HS6ST2: variants seen among roughly 807,000 people sequenced by gnomAD.
The protein encoded by HS6ST2 is heparan-sulfate 6-O-sulfotransferase 2.
HS6ST2 carries 17 observed loss-of-function variants against 33.0 expected under a neutral mutation model. The observed-to-expected ratio is 0.52, with a 90% CI of 0.35 to 0.77. The LOEUF is 0.77. Ranked by LOEUF, HS6ST2 falls within the 30% of genes least tolerant of loss-of-function variation. HS6ST2 has a pLI of 0.01. For missense variants in HS6ST2, 519 were observed against 551.7 expected (o/e 0.94, Z 0.59); for synonymous variants, 248 against 237.1 (o/e 1.05, Z -0.42).
At chrX:132,890,283 T>C (rs1297743734) in intron 2 of HS6ST2, among the ~76,000 whole-genome samples, 1 of 109,401 alleles carries the variant, frequency 9.1e-6, no homozygotes, top group Admixed American at 9.8e-5. Flanking sequence ...TGTACCAAGG[T>C]CATACAACTA....
At chrX:132,767,391 A>T (rs1275087843) in intron 2 of HS6ST2, among the ~76,000 whole-genome samples, 1 of 111,265 alleles carries the variant, frequency 9.0e-6, no homozygotes, top group Non-Finnish European at 1.9e-5. Context: ...GTGATTTTTT[A>T]AATTTTTAGT....
At chrX:132,661,659 C>A (rs2063774444) in intron 4 of HS6ST2, among the ~76,000 whole-genome samples, 1 of 112,212 alleles carries the variant, frequency 8.9e-6, no homozygotes, top group Non-Finnish European at 1.9e-5. Context: ...AAAATCCCAG[C>A]AGGCTTCTTT....
chrX:132,931,090 T>C (rs1175039382), intron 2 of HS6ST2, among the ~76,000 whole-genome samples: 6 of 111,719 alleles, frequency 5.4e-5, no homozygotes, highest in Admixed American at 9.5e-5. Flanking sequence ...ATGTTCTTAA[T>C]GCATATAGCA....
intron 4 of HS6ST2, among the ~76,000 whole-genome samples, chrX:132,660,229 T>C (rs750197528): frequency 2.2e-4 from 25 of 111,960 alleles, no homozygotes; most frequent in Non-Finnish European, 2.6e-4. Flanking sequence ...TTGTACCTAC[T>C]ATGCACTCAG....
rs182033952 is a variant in HS6ST2 at position 132,892,836 on chromosome X, C to T, written c.947+63972G>A. Among the ~76,000 whole-genome samples the T allele has an allele frequency of 3.2e-3, 359 of 111,514 alleles. 2 individuals are homozygous for T. The highest frequency in any genetic ancestry group is 0.011 in the African/African-American group (338 of 30,749). On this transcript the variant is annotated intron_variant, in intron 2 of 4. Coordinates refer to ENST00000370833, the MANE Select transcript of HS6ST2 (RefSeq NM_001394073.1). ...TCCATCTTAAAAAGAAACCCAAACA[C>T]ACAAATAAATAAAATGGCAAAGTAT... is the stretch of plus-strand genomic sequence containing the variant.
chrX:132,918,651 C>T (rs1399891969), intron 2 of HS6ST2, among the ~76,000 whole-genome samples: 1 of 111,704 alleles, frequency 9.0e-6, no homozygotes, highest in Non-Finnish European at 1.9e-5. Context: ...GACATGATCT[C>T]TCTTCCTGGG....
intron 2 of HS6ST2, among the ~76,000 whole-genome samples, chrX:132,879,865 T>G (rs193082145): frequency 9.0e-6 from 1 of 111,623 alleles, no homozygotes; most frequent in Non-Finnish European, 1.9e-5. Context: ...ATGAAACACT[T>G]TTCCCATCAT....
intron 2 of HS6ST2, among the ~76,000 whole-genome samples, chrX:132,935,327 C>G (rs1383316212): frequency 2.7e-5 from 3 of 111,272 alleles, no homozygotes; most frequent in Non-Finnish European, 5.6e-5. Context: ...CAGACATTCT[C>G]CAGGATAGAG....
chrX:132,878,299 G>C (rs1472763687), intron 2 of HS6ST2, among the ~76,000 whole-genome samples: 1 of 112,245 alleles, frequency 8.9e-6, no homozygotes, highest in African/African-American at 3.2e-5. Context: ...CCTGCATAAG[G>C]TGTGAACTCC....
chrX:132,656,820 C>A (rs775000298), intron 4 of HS6ST2, among the ~76,000 whole-genome samples: 168 of 111,777 alleles, frequency 1.5e-3, no homozygotes, highest in Non-Finnish European at 2.5e-3. Flanking sequence ...ATCTATTTAC[C>A]ACTCCAGACT....
chrX:132,651,743 C>G (rs1378221865), intron 4 of HS6ST2, among the ~76,000 whole-genome samples: 1 of 111,689 alleles, frequency 9.0e-6, no homozygotes, highest in Non-Finnish European at 1.9e-5. Flanking sequence ...CACTTTCACC[C>G]TGATGGTTCC....
intron 2 of HS6ST2, among the ~76,000 whole-genome samples, chrX:132,736,525 G>A (rs1292197135): frequency 8.9e-6 from 1 of 111,910 alleles, no homozygotes; most frequent in East Asian, 2.8e-4. Flanking sequence ...ATGATATGGT[G>A]TAAGTTTCAG....
In HS6ST2 at chrX:132,958,406, G is replaced by A. The variant is rs776342600; in HGVS notation, c.197C>T (p.Pro66Leu). 1.7e-6 allele frequency: 2 copies of A among 1,195,868 alleles called. No individual in the cohort carries two copies. The highest frequency in any genetic ancestry group is 2.2e-5 in the Admixed American group (1 of 45,437). ...CGCCTTTCGGGGCTTGTCCAGGAGC[G>A]GCCGGGTGTGGAATCCGTGAGACAC... Reference protein sequence around the residue: ...RGVSHGFHTRPLLDKPRKASS... With the variant: ...RGVSHGFHTRLLLDKPRKASS... Residue 66 changes from proline (P) to leucine (L), a missense_variant, in exon 1 of 5, where the codon CCG becomes CTG. Physicochemically the swap from Pro to Leu is moderately conservative, Grantham distance 98 (BLOSUM62 -3). Coordinates refer to ENST00000370833, the MANE Select transcript of HS6ST2 (RefSeq NM_001394073.1).
intron 2 of HS6ST2, among the ~76,000 whole-genome samples, chrX:132,884,300 A>G (rs1435969212): frequency 8.9e-6 from 1 of 111,939 alleles, no homozygotes; most frequent in Non-Finnish European, 1.9e-5. Flanking sequence ...AAGGAGGGAG[A>G]GAGATGAAGG....
chrX:132,871,001 T>G (rs996146208), intron 2 of HS6ST2, among the ~76,000 whole-genome samples: 1 of 108,564 alleles, frequency 9.2e-6, no homozygotes, highest in Non-Finnish European at 1.9e-5. Context: ...ACCTACAGAT[T>G]GGGAGAAAAT....
chrX:132,824,173 G>A lies in HS6ST2; in HGVS notation c.948-115679C>T, dbSNP rs966866163. 3.6e-5 allele frequency among the ~76,000 whole-genome samples: 4 copies of A among 111,146 alleles called. No homozygotes were observed. The Admixed American group carries it at 3.8e-4, about 11-fold the overall frequency. Reference sequence around the variant, plus strand: ...AATACCTCTAAGAAGTATCTGCACTGCATCATTCAGCACACTATTGTATTT... The same window carrying A: ...AATACCTCTAAGAAGTATCTGCACTACATCATTCAGCACACTATTGTATTT... On this transcript the variant is annotated intron_variant, in intron 2 of 4. Transcript: ENST00000370833.
chrX:132,922,837 T>C (rs990191869), intron 2 of HS6ST2, among the ~76,000 whole-genome samples: 1 of 111,029 alleles, frequency 9.0e-6, no homozygotes, highest in African/African-American at 3.3e-5. Context: ...CCTTGGCGGG[T>C]GGATCACTTG....
chrX:132,721,146 T>A (rs1164194326), intron 2 of HS6ST2, among the ~76,000 whole-genome samples: 1 of 112,104 alleles, frequency 8.9e-6, no homozygotes, highest in Non-Finnish European at 1.9e-5. Flanking sequence ...CCTCAGCACA[T>A]GGATCATTCT....
intron 2 of HS6ST2, among the ~76,000 whole-genome samples, chrX:132,717,250 C>T (rs370008708): frequency 8.9e-6 from 1 of 112,973 alleles, no homozygotes; most frequent in South Asian, 3.6e-4. Context: ...CTGAAACTTC[C>T]TTTCAGCCAG....
Sources: gnomAD v4.1 joint callset for allele counts (sites outside exome capture counted in the v4.1 genomes callset) on GRCh38, gnomAD v4.1.1 for gene constraint, MANE v1.5 for transcripts, NCBI Gene and HGNC (gene_info 2026-07-23, HGNC 2026-07-21) for gene names.